Variants in GRIN2B observed in about 807,000 individuals in gnomAD.
GRIN2B encodes the protein glutamate receptor ionotropic, NMDA 2B.
A neutral mutation model predicts 114.5 loss-of-function variants in GRIN2B; 5 were observed. The observed-to-expected ratio is 0.04, with a 90% CI of 0.02 to 0.09. The LOEUF (loss-of-function observed/expected upper bound fraction) is 0.09. GRIN2B is among the 10% of genes least tolerant of loss of function. The probability of loss-of-function intolerance (pLI) is 1.00; values close to 1 mark genes in which losing one functional copy is unlikely to be tolerated. For synonymous variants in GRIN2B, 787 were observed against 745.1 expected (o/e 1.06, Z -0.92); for missense variants, 1,108 against 1,943.5 (o/e 0.57, Z 8.08).
intron 4 of GRIN2B, among the ~76,000 whole-genome samples, chr12:13,712,095 A>G (rs1950419683): frequency 1.3e-5 from 2 of 151,950 alleles, no homozygotes; most frequent in South Asian, 4.2e-4. Flanking sequence ...GGATGAAGCC[A>G]GAAACCATCA....
intron 3 of GRIN2B, among the ~76,000 whole-genome samples, chr12:13,850,119 G>T (rs1314411308): frequency 6.6e-6 from 1 of 152,090 alleles, no homozygotes; most frequent in Non-Finnish European, 1.5e-5. Flanking sequence ...TAAAGATTTT[G>T]GTCTGTGGTA....
At chr12:13,693,105 T>C (rs1229820327) in intron 4 of GRIN2B, among the ~76,000 whole-genome samples, 2 of 152,146 alleles carry the variant, frequency 1.3e-5, no homozygotes, top group African/African-American at 4.8e-5. Context: ...CTCACATTTA[T>C]CTTAATGTTT....
rs771891565 is a variant in GRIN2B, at chr12:13,758,998, A to AGTTTTTTTTTTTTTTTTTTTTTTTTTT, written c.412-5084_412-5083insAAAAAAAAAAAAAAAAAAAAAAAAAAC. ...GAATTTGATGATCTCATCTAGTTCA[A>AGTTTTTTTTTTTTTTTTTTTTTTTTTT]TTTTTTTTTTTTTTTTTTTTTTTTT... On this transcript the variant is annotated intron_variant, in intron 3 of 13. Transcript: ENST00000609686. Among the ~76,000 whole-genome samples the AGTTTTTTTTTTTTTTTTTTTTTTTTTT allele has an allele frequency of 4.7e-5, 4 of 85,600 alleles. 1 individual carries two copies. The highest frequency in any genetic ancestry group is 1.6e-4 in the Admixed American group (1 of 6,416). The allele number at this position is 85,600 out of a possible 152,430, so 56.2% of individuals were successfully genotyped here.
intron 4 of GRIN2B, among the ~76,000 whole-genome samples, chr12:13,680,927 G>T (rs539569626): frequency 9.2e-5 from 14 of 152,182 alleles, no homozygotes; most frequent in Non-Finnish European, 2.1e-4. Flanking sequence ...ATCCTGATGG[G>T]CTCAGAGCCA....
At chr12:13,879,407 G>C (rs1054253128) in intron 2 of GRIN2B, among the ~76,000 whole-genome samples, 1 of 151,844 alleles carries the variant, frequency 6.6e-6, no homozygotes, top group African/African-American at 2.4e-5. Flanking sequence ...TGTCATTATA[G>C]GGCACATGAC....
At chr12:13,606,858 C>A (rs184776834) in intron 10 of GRIN2B, among the ~76,000 whole-genome samples, 1 of 151,228 alleles carries the variant, frequency 6.6e-6, no homozygotes, top group Non-Finnish European at 1.5e-5. Context: ...TATCATAAAT[C>A]ATGAGATGAG....
intron 4 of GRIN2B, among the ~76,000 whole-genome samples, chr12:13,740,183 T>C (rs1863256610): frequency 1.3e-5 from 2 of 152,242 alleles, no homozygotes; most frequent in African/African-American, 4.8e-5. Context: ...ACTAACATTC[T>C]GAAATTCTTC....
rs949068385 is a variant in GRIN2B at position 13,551,462 on chromosome 12, AC to A, written c.*11320del. The A allele has an allele frequency of 2.6e-5, 4 of 152,190 alleles. No individual in the cohort carries two copies. Among genetic ancestry groups the A allele is most frequent in the African/African-American group, 9.7e-5 (4 of 41,440 alleles). The allele number at this position is 152,190 out of a possible 1,614,324, so 9.4% of individuals were successfully genotyped here. On this transcript the variant is annotated 3_prime_UTR_variant, in exon 14 of 14. Coordinates refer to ENST00000609686, the MANE Select transcript of GRIN2B (RefSeq NM_000834.5). The stretch of plus-strand genomic sequence containing the variant: ...TAACTAGGTTGTTTCATCACAAAGA[AC>A]ATGCTGCCTTCACATGAAGCCTGAA...
chr12:13,833,836 A>G (rs1465435088), intron 3 of GRIN2B, among the ~76,000 whole-genome samples: 3 of 152,018 alleles, frequency 2.0e-5, no homozygotes, highest in African/African-American at 4.8e-5. Context: ...GGTCCTTCCT[A>G]CTACCCCAGG....
In GRIN2B at chr12:13,616,531, T is replaced by C; in HGVS notation, c.1252A>G (p.Ile418Val). The stretch of plus-strand genomic sequence containing the variant: ...CTCAGAGGGTCCACACTTTCCACAA[T>C]GACAAATGGTGCCTCCTCCAGGGTC... ...IVTLEEAPFV[I>V]VESVDPLSGT... Residue 418 changes from isoleucine (I) to valine (V), a missense_variant, in exon 6 of 14, where the codon ATT (isoleucine) becomes GTT (valine). Physicochemically the swap from Ile to Val is conservative, Grantham distance 29. Coordinates refer to ENST00000609686, the MANE Select transcript of GRIN2B (RefSeq NM_000834.5). The C allele has an allele frequency of 6.2e-7, 1 of 1,614,098 alleles. No homozygotes were observed. Among genetic ancestry groups the C allele is most frequent in the Non-Finnish European group, 8.5e-7 (1 of 1,179,948 alleles).
chr12:13,542,655 C>T lies in GRIN2B; in HGVS notation c.*20128G>A, dbSNP rs1029286471. The T allele has an allele frequency of 3.9e-5, 6 of 152,290 alleles. No homozygotes were observed. Among genetic ancestry groups the T allele is most frequent in the Admixed American group, 3.3e-4 (5 of 15,278 alleles). The allele number at this position is 152,290 out of a possible 1,614,324, so 9.4% of individuals were successfully genotyped here. Reference sequence around the variant, plus strand: ...GGCAATCACCACGAGAAGCCCAAGACCCCCAGTCCCTCTTATCACTTGGAC... The same window carrying T: ...GGCAATCACCACGAGAAGCCCAAGATCCCCAGTCCCTCTTATCACTTGGAC... On this transcript the variant is annotated 3_prime_UTR_variant, in exon 14 of 14. Transcript: ENST00000609686.
Position 13,600,388 on chromosome 12 carries a change from C to T in GRIN2B, c.2010+8215G>A, listed in dbSNP as rs371934720. 7.2e-5 allele frequency among the ~76,000 whole-genome samples: 11 copies of T among 152,298 alleles called. No homozygotes were observed. The South Asian group carries it at 1.2e-3, about 17-fold the overall frequency. On this transcript the variant is annotated intron_variant, in intron 10 of 13. Transcript: ENST00000609686. ...TGATATCTATTTAGTAAGTCTTCTA[C>T]GCACATGGGAAACCTGTGTTCCTTG...
rs142098898 is a variant in GRIN2B at position 13,623,083 on chromosome 12, G to A, written c.1126-6426C>T. Among the ~76,000 whole-genome samples the A allele has an allele frequency of 6.6e-5, 10 of 152,246 alleles. No individual in the cohort carries two copies. In the East Asian group the frequency reaches 1.2e-3, roughly 18 times the overall value. On this transcript the variant is annotated intron_variant, in intron 5 of 13. Transcript: ENST00000609686. The stretch of plus-strand genomic sequence containing the variant: ...GATTTGTGTGACTTGGTATGTATGC[G>A]TGTTTCCTAAATCAAATCATAATAC...
intron 4 of GRIN2B, among the ~76,000 whole-genome samples, chr12:13,694,852 G>A (rs1210314047): frequency 6.6e-6 from 1 of 151,526 alleles, no homozygotes; most frequent in South Asian, 2.1e-4. Context: ...ACTTTTTCCA[G>A]GACTGGGGAA....
chr12:13,655,866 T>C (rs1372170073), intron 5 of GRIN2B, among the ~76,000 whole-genome samples: 1 of 152,184 alleles, frequency 6.6e-6, no homozygotes, highest in Non-Finnish European at 1.5e-5. Context: ...TTGAGAGAAT[T>C]GTCTTACAAG....
intron 3 of GRIN2B, among the ~76,000 whole-genome samples, chr12:13,784,405 T>G (rs1864185655): frequency 6.6e-6 from 1 of 152,070 alleles, no homozygotes; most frequent in Non-Finnish European, 1.5e-5. Flanking sequence ...TAGCTCAATT[T>G]GAGGAGTCCC....
intron 3 of GRIN2B, among the ~76,000 whole-genome samples, chr12:13,803,815 C>T (rs914354948): frequency 3.3e-5 from 5 of 152,272 alleles, no homozygotes; most frequent in African/African-American, 9.6e-5. Context: ...AACAACAATT[C>T]ACAAGGGGTT....
At chr12:13,651,874 C>T (rs188874910) in intron 5 of GRIN2B, among the ~76,000 whole-genome samples, 9 of 152,186 alleles carry the variant, frequency 5.9e-5, no homozygotes, top group South Asian at 2.1e-4. Context: ...TTGGTTTCCT[C>T]ATCTATAAAA....
At chr12:13,854,659 C>A (rs2136732258) in intron 3 of GRIN2B, among the ~76,000 whole-genome samples, 1 of 100,908 alleles carries the variant, frequency 9.9e-6, no homozygotes, top group East Asian at 2.6e-4. Flanking sequence ...ACACTGACAC[C>A]CTTTCAGCAT....
Sources: allele counts gnomAD v4.1 joint callset (sites outside exome capture counted in the v4.1 genomes callset), GRCh38; gene constraint gnomAD v4.1.1; transcripts MANE v1.5; gene names NCBI Gene and HGNC (gene_info 2026-07-23, HGNC 2026-07-21).